The following BABAM2 variants were observed in gnomAD, a reference collection of about 807,000 sequenced individuals.
BABAM2 encodes BRISC and BRCA1 A complex member 2, also known as BRISC and BRCA1-A complex member 2.
BABAM2 carries 31 observed loss-of-function variants against 54.7 expected under a neutral mutation model. The ratio of observed to expected loss-of-function variants is 0.57; its 90% CI spans 0.43 to 0.77. The LOEUF is 0.77. Among genes scored for constraint, BABAM2 ranks in the 30% least tolerant of loss-of-function variants. The pLI is 0.00. For synonymous variants in BABAM2, 167 were observed against 162.9 expected (o/e 1.03, Z -0.19); for missense variants, 364 against 455.8 (o/e 0.80, Z 1.83).
Position 28,304,867 on chromosome 2 carries a change from G to A in BABAM2, c.1088+6376G>A, listed in dbSNP as rs758208433. 2.0e-5 allele frequency among the ~76,000 whole-genome samples: 3 copies of A among 148,718 alleles called. No individual in the cohort carries two copies. Among genetic ancestry groups the A allele is most frequent in the African/African-American group, 7.3e-5 (3 of 41,002 alleles). Reference sequence around the variant, plus strand: ...AAAGTGCTAGGATTACAGGCATGACGGGATTTCACCATGTGGCCCAGGCTG... The same window carrying A: ...AAAGTGCTAGGATTACAGGCATGACAGGATTTCACCATGTGGCCCAGGCTG... On this transcript the variant is annotated intron_variant, in intron 11 of 11. Coordinates refer to ENST00000379624, the MANE Select transcript of BABAM2 (RefSeq NM_199191.3). This position sits in a 1 kb window ranked among gnomAD's most constrained non-coding sequence, Gnocchi z 4.0.
At chr2:28,155,364 A>G (rs2147791972) in intron 7 of BABAM2, among the ~76,000 whole-genome samples, 1 of 152,302 alleles carries the variant, frequency 6.6e-6, no homozygotes, top group Non-Finnish European at 1.5e-5. Context: ...TTAAGGTACC[A>G]GGTTAAGAAT....
At chr2:27,928,410 A>C (rs1667864833) in intron 2 of BABAM2, among the ~76,000 whole-genome samples, 1 of 152,110 alleles carries the variant, frequency 6.6e-6, no homozygotes, top group Non-Finnish European at 1.5e-5. Context: ...TTGGCCTCCC[A>C]AAGTGCTGGG....
chr2:28,070,338 A>G (rs1414916738), intron 6 of BABAM2, among the ~76,000 whole-genome samples: 1 of 152,146 alleles, frequency 6.6e-6, no homozygotes, highest in Non-Finnish European at 1.5e-5. Flanking sequence ...ATCTTTGAGC[A>G]TTCCTACTAT....
chr2:27,933,682 C>T (rs1668269983), intron 3 of BABAM2, among the ~76,000 whole-genome samples: 1 of 151,274 alleles, frequency 6.6e-6, no homozygotes, highest in African/African-American at 2.4e-5. Context: ...CCAGGATGGT[C>T]TCGATCTCTT....
intron 10 of BABAM2, among the ~76,000 whole-genome samples, chr2:28,250,595 G>GTTT (rs1553350055): frequency 1.7e-4 from 24 of 139,224 alleles, no homozygotes; most frequent in Non-Finnish European, 2.5e-4. Context: ...TTTTTTTTTT[G>GTTT]TTTGTTTGTT....
intron 3 of BABAM2, among the ~76,000 whole-genome samples, chr2:27,972,359 A>C (rs1412004233): frequency 1.3e-5 from 2 of 152,240 alleles, no homozygotes; most frequent in East Asian, 3.8e-4. Flanking sequence ...ATAAGAAAGA[A>C]CTTTTTTCAA....
chr2:28,318,199 G>A (rs1689726451), intron 11 of BABAM2, among the ~76,000 whole-genome samples: 2 of 152,206 alleles, frequency 1.3e-5, no homozygotes. Flanking sequence ...AAATGACCCT[G>A]ACTGTGAAGG....
In BABAM2 at chr2:28,224,851, C is replaced by CAAA. The variant is rs754146418; in HGVS notation, c.681-12330_681-12328dup. ...AACAAGTCCAAAAACGGTAAATTGA[C>CAAA]AAAAAAAAAAAAAAAAAAAAAAATC... On this transcript the variant is annotated intron_variant, in intron 7 of 11. Transcript: ENST00000379624. 5.6e-3 allele frequency among the ~76,000 whole-genome samples: 472 copies of CAAA among 83,860 alleles called. 6 individuals carry two copies. Among genetic ancestry groups the CAAA allele is most frequent in the African/African-American group, 0.018 (447 of 24,290 alleles). 55.0% of individuals were successfully genotyped at this position (83,860 alleles called of 152,430 possible). A position where few individuals can be genotyped will look rare whatever the true frequency, so the allele number is the denominator to read the frequency against.
chr2:28,066,107 C>T (rs774675746), intron 6 of BABAM2, among the ~76,000 whole-genome samples: 27 of 150,494 alleles, frequency 1.8e-4, no homozygotes, highest in African/African-American at 5.4e-4. Flanking sequence ...TGTAGTGAGC[C>T]GAGATCGCGC....
chr2:28,097,483 A>G (rs1000655893), intron 6 of BABAM2, among the ~76,000 whole-genome samples: 2 of 152,146 alleles, frequency 1.3e-5, no homozygotes, highest in African/African-American at 4.8e-5. Context: ...CATTTTTTCC[A>G]GGTTCATCTC....
rs70956008 is a variant in BABAM2, at chr2:28,258,615, C to CTTTTTTTTTTTTTTTTTTTT, written c.934+13769_934+13770insTTTTTTTTTTTTTTTTTTTT. ...CTTAAGTCTTTTTCTTTTTTCTTTT[C>CTTTTTTTTTTTTTTTTTTTT]TTTTTTTTTTTTTTTTGAGACAGGA... On this transcript the variant is annotated intron_variant, in intron 10 of 11. Transcript: ENST00000379624. Among the ~76,000 whole-genome samples, 85 of 100,026 alleles carry CTTTTTTTTTTTTTTTTTTTT rather than the reference C, an allele frequency of 8.5e-4. 2 individuals are homozygous for CTTTTTTTTTTTTTTTTTTTT. Among genetic ancestry groups the CTTTTTTTTTTTTTTTTTTTT allele is most frequent in the East Asian group, 1.2e-3 (4 of 3,336 alleles). 65.6% of individuals were successfully genotyped at this position (100,026 alleles called of 152,430 possible). A position where few individuals can be genotyped will look rare whatever the true frequency, so the allele number is the denominator to read the frequency against.
At chr2:28,319,345 G>A (rs1376824220) in intron 11 of BABAM2, among the ~76,000 whole-genome samples, 2 of 152,220 alleles carry the variant, frequency 1.3e-5, no homozygotes, top group Non-Finnish European at 2.9e-5. Flanking sequence ...CTTTGTCTGG[G>A]CCTCTGTCCC....
At chr2:27,974,514 A>T (rs1041731285) in intron 3 of BABAM2, among the ~76,000 whole-genome samples, 15 of 152,152 alleles carry the variant, frequency 9.9e-5, no homozygotes, top group Admixed American at 5.2e-4. Flanking sequence ...CTGTATGATC[A>T]TATCAATGGA....
intron 2 of BABAM2, among the ~76,000 whole-genome samples, chr2:27,897,864 C>T (rs1322566759): frequency 6.6e-6 from 1 of 152,126 alleles, no homozygotes; most frequent in Non-Finnish European, 1.5e-5. Context: ...TTTAGATGGA[C>T]TCCATCTGTA....
chr2:28,220,987 C>T (rs1479012876), intron 7 of BABAM2, among the ~76,000 whole-genome samples: 1 of 152,156 alleles, frequency 6.6e-6, no homozygotes, highest in Non-Finnish European at 1.5e-5. Flanking sequence ...CCTTCCTCTG[C>T]AAGATGATCT....
chr2:28,041,588 G>A (rs866498422), intron 5 of BABAM2, among the ~76,000 whole-genome samples: 2 of 152,150 alleles, frequency 1.3e-5, no homozygotes, highest in South Asian at 4.1e-4. Context: ...ACTTTGATCC[G>A]TGTTAGTGCT....
chr2:28,225,835 G>A (rs1240956286), intron 7 of BABAM2, among the ~76,000 whole-genome samples: 1 of 151,916 alleles, frequency 6.6e-6, no homozygotes, highest in Non-Finnish European at 1.5e-5. Context: ...CTTCTAAGAA[G>A]TTTGACCAAA....
At chr2:28,030,476 G>C (rs537929231) in intron 5 of BABAM2, among the ~76,000 whole-genome samples, 2 of 152,164 alleles carry the variant, frequency 1.3e-5, no homozygotes, top group African/African-American at 4.8e-5. Flanking sequence ...AGTAGAAATG[G>C]TAGCTGAGTC....
At chr2:28,004,819 T>G (rs1673841972) in intron 4 of BABAM2, among the ~76,000 whole-genome samples, 1 of 152,116 alleles carries the variant, frequency 6.6e-6, no homozygotes, top group Admixed American at 6.6e-5. Context: ...CCTGAGTAGC[T>G]GGGACCACAC....
Sources: gnomAD v4.1 joint callset for allele counts (sites outside exome capture counted in the v4.1 genomes callset) on GRCh38, gnomAD v4.1.1 for gene constraint, Gnocchi (gnomAD v3.1) non-coding constraint, MANE v1.5 for transcripts, NCBI Gene and HGNC (gene_info 2026-07-23, HGNC 2026-07-21) for gene names.